Variants in MSH3 observed in about 807,000 individuals in gnomAD.
The protein encoded by MSH3 is DNA mismatch repair protein Msh3.
In MSH3, 106 loss-of-function variants were observed where a neutral mutation model predicts 123.3. The observed-to-expected ratio is 0.86, with a 90% CI of 0.73 to 1.01. The LOEUF (loss-of-function observed/expected upper bound fraction) is 1.01. Ranked by LOEUF, MSH3 falls within the 50% of genes least tolerant of loss-of-function variation. MSH3 has a pLI of 0.00. For missense variants in MSH3, 1,459 were observed against 1,347.6 expected (o/e 1.08, Z -1.29); for synonymous variants, 515 against 481.4 (o/e 1.07, Z -0.91).
chr5:80,656,433 A>G lies in MSH3; in HGVS notation c.260A>G (p.Lys87Arg). 6.2e-7 allele frequency: 1 copy of G among 1,614,148 alleles called. No homozygotes were observed. The highest frequency in any genetic ancestry group is 1.7e-5 in the Admixed American group (1 of 60,028). ...PHIATEIDRR[K>R]KRPLENDGPV... The stretch of plus-strand genomic sequence containing the variant: ...TAGGCTACAGAAATTGACAGAAGAA[A>G]GAAGAGACCATTGGAAAATGATGGG... The change falls in exon 2 of 24, where the codon AAG becomes AGG. Residue 87 changes from lysine (K) to arginine (R), a missense_variant. By Grantham distance (26) the Lys-to-Arg change is conservative. Transcript: ENST00000265081.
chr5:80,714,040 A>G (rs903272532), intron 8 of MSH3, among the ~76,000 whole-genome samples: 1 of 151,992 alleles, frequency 6.6e-6, no homozygotes. Flanking sequence ...GGCATGTTAC[A>G]TATGAAAAGG....
intron 12 of MSH3, among the ~76,000 whole-genome samples, chr5:80,756,718 G>T (rs772778186): frequency 1.4e-4 from 21 of 152,242 alleles, no homozygotes; most frequent in Non-Finnish European, 2.5e-4. Flanking sequence ...TAAATTGTTT[G>T]TAGACTAGCA....
intron 20 of MSH3, among the ~76,000 whole-genome samples, chr5:80,833,732 C>T (rs900623867): frequency 2.6e-5 from 4 of 152,188 alleles, no homozygotes; most frequent in African/African-American, 7.2e-5. Context: ...TGAGCCACCT[C>T]GCACAGCCAA....
At chr5:80,826,971 G>T (rs910666169) in intron 20 of MSH3, among the ~76,000 whole-genome samples, 26 of 152,100 alleles carry the variant, frequency 1.7e-4, no homozygotes, top group Non-Finnish European at 3.1e-4. Flanking sequence ...ATATATCTGT[G>T]CATTATGATA....
At chr5:80,678,191 G>C (rs1185855443) in intron 7 of MSH3, among the ~76,000 whole-genome samples, 1 of 152,192 alleles carries the variant, frequency 6.6e-6, no homozygotes, top group Admixed American at 6.5e-5. Flanking sequence ...TAACAGTGTG[G>C]ATTGGGGAGT....
At chr5:80,786,161 TA>T (rs1271543502) in intron 17 of MSH3, among the ~76,000 whole-genome samples, 2 of 151,598 alleles carry the variant, frequency 1.3e-5, no homozygotes, top group African/African-American at 2.4e-5. Flanking sequence ...ATTAATTAAT[TA>T]AAAAATAAAT....
intron 2 of MSH3, among the ~76,000 whole-genome samples, chr5:80,658,961 C>T (rs80171142): frequency 0.11 from 16,616 of 152,046 alleles, 1,013 homozygotes; most frequent in African/African-American, 0.17. Flanking sequence ...GGGCCAGGCA[C>T]GGTGGCTCAC....
intron 21 of MSH3, among the ~76,000 whole-genome samples, chr5:80,858,594 T>C (rs1156401682): frequency 6.6e-6 from 1 of 152,238 alleles, no homozygotes; most frequent in African/African-American, 2.4e-5. Flanking sequence ...TTTTATTATA[T>C]TAAATTTGTC....
chr5:80,705,753 CCTT>C lies in MSH3; in HGVS notation c.1341-19696_1341-19694del, dbSNP rs548685642. On this transcript the variant is annotated intron_variant, in intron 8 of 23. Coordinates refer to ENST00000265081, the MANE Select transcript of MSH3 (RefSeq NM_002439.5). ...CTCCTTGACTTGTAGACGGCCACCT[CCTT>C]CTTACGTCTCTTCATATCGTCTTTC... Among the ~76,000 whole-genome samples the C allele has an allele frequency of 3.7e-3, 565 of 152,306 alleles. 4 individuals carry two copies. Among genetic ancestry groups the C allele is most frequent in the African/African-American group, 0.013 (537 of 41,570 alleles).
At chr5:80,737,828 T>A (rs775787929) in intron 10 of MSH3, among the ~76,000 whole-genome samples, 1 of 152,190 alleles carries the variant, frequency 6.6e-6, no homozygotes, top group Non-Finnish European at 1.5e-5. Flanking sequence ...GTCCTTGTAG[T>A]TGCTTGATAA....
chr5:80,703,732 C>G (rs1286038517), intron 8 of MSH3, among the ~76,000 whole-genome samples: 1 of 152,108 alleles, frequency 6.6e-6, no homozygotes, highest in African/African-American at 2.4e-5. Context: ...TTTTTATTCA[C>G]TCCTGCTGTT....
chr5:80,751,107 C>T (rs1383946537), intron 12 of MSH3, among the ~76,000 whole-genome samples: 2 of 152,088 alleles, frequency 1.3e-5, no homozygotes, highest in African/African-American at 4.8e-5. Flanking sequence ...TATGAAAAAA[C>T]TTTGCATAGA....
intron 11 of MSH3, among the ~76,000 whole-genome samples, chr5:80,743,160 C>G (rs1743648100): frequency 6.6e-6 from 1 of 152,100 alleles, no homozygotes; most frequent in African/African-American, 2.4e-5. Context: ...TCTGTCCCTC[C>G]TCTCTTGTCT....
chr5:80,753,074 T>G (rs1336984203), intron 12 of MSH3, among the ~76,000 whole-genome samples: 2 of 152,148 alleles, frequency 1.3e-5, no homozygotes, highest in Non-Finnish European at 2.9e-5. Flanking sequence ...TTTAAAAAAT[T>G]ATACAGAAAA....
At chr5:80,871,169 A>ATTTT in intron 22 of MSH3, among the ~76,000 whole-genome samples, 1 of 152,252 alleles carries the variant, frequency 6.6e-6, no homozygotes, top group East Asian at 1.9e-4. Context: ...TATGGTCAAA[A>ATTTT]GGCTTCAGCC....
Position 80,784,083 on chromosome 5 carries a change from G to T in MSH3, c.2436-3482G>T, listed in dbSNP as rs532554534. On this transcript the variant is annotated intron_variant, in intron 17 of 23. Coordinates refer to ENST00000265081, the MANE Select transcript of MSH3 (RefSeq NM_002439.5). ...AAATTTGCTGGGTGTGGTGGTGCAT[G>T]CCTATAATCCCAGCTACTCTGGAGG... Among the ~76,000 whole-genome samples the T allele has an allele frequency of 2.6e-5, 4 of 151,838 alleles. No homozygotes were observed. In the South Asian group the frequency reaches 8.3e-4, roughly 32 times the overall value.
At chr5:80,874,035 A>G (rs1310778910) in intron 23 of MSH3, among the ~76,000 whole-genome samples, 3 of 152,154 alleles carry the variant, frequency 2.0e-5, no homozygotes, top group Non-Finnish European at 4.4e-5. Context: ...TGCTGGGTAC[A>G]TTAGTACCCT....
intron 11 of MSH3, among the ~76,000 whole-genome samples, chr5:80,743,028 G>T (rs1743644935): frequency 6.6e-6 from 1 of 152,094 alleles, no homozygotes. Context: ...AACATCTTCT[G>T]CTTGTCTTTG....
At chr5:80,765,479 T>C (rs1354845762) in intron 13 of MSH3, among the ~76,000 whole-genome samples, 16 of 152,196 alleles carry the variant, frequency 1.1e-4, no homozygotes, top group Non-Finnish European at 4.4e-5. Flanking sequence ...TTCTTATTTT[T>C]TTTGCATAAT....
Sources: allele counts gnomAD v4.1 joint callset (sites outside exome capture counted in the v4.1 genomes callset), GRCh38; gene constraint gnomAD v4.1.1; transcripts MANE v1.5; gene names NCBI Gene and HGNC (gene_info 2026-07-23, HGNC 2026-07-21).